The following RANBP17 variants were observed in gnomAD, a reference collection of about 807,000 sequenced individuals.
The protein encoded by RANBP17 is ran-binding protein 17.
In RANBP17, 158 loss-of-function variants were observed where a neutral mutation model predicts 141.2. The observed-to-expected ratio is 1.12, with a 90% CI of 0.98 to 1.28. The LOEUF (loss-of-function observed/expected upper bound fraction) is 1.28. RANBP17 is among the 50% of genes most tolerant of loss of function. The pLI is 0.00. For missense variants in RANBP17, 1,438 were observed against 1,290.7 expected (o/e 1.11, Z -1.75); for synonymous variants, 430 against 450.0 (o/e 0.96, Z 0.56).
chr5:170,953,562 C>A, intron 12 of RANBP17, 35 bp from the exon 13 acceptor site: 1 of 1,396,404 alleles, frequency 7.2e-7, no homozygotes, highest in East Asian at 2.3e-5. Flanking sequence ...TCTATGAATA[C>A]TTACTAAACT....
chr5:170,897,134 C>A, intron 5 of RANBP17: 1 of 826,960 alleles, frequency 1.2e-6, no homozygotes, highest in Non-Finnish European at 2.0e-6. Flanking sequence ...GCAGGGACCA[C>A]TGAGAGATGT....
chr5:170,977,452 T>C (rs1179526570), intron 14 of RANBP17, among the ~76,000 whole-genome samples: 1 of 152,030 alleles, frequency 6.6e-6, no homozygotes, highest in Non-Finnish European at 1.5e-5. Context: ...CTTCAAAAGG[T>C]TAAACATAGA....
At chr5:171,096,151 A>T (rs889764705) in intron 14 of RANBP17, among the ~76,000 whole-genome samples, 1 of 152,200 alleles carries the variant, frequency 6.6e-6, no homozygotes, top group Non-Finnish European at 1.5e-5. Context: ...TTTATTGACA[A>T]ATATCTGCAT....
chr5:171,292,180 T>G (rs1256743919), intron 25 of RANBP17, among the ~76,000 whole-genome samples: 2 of 151,438 alleles, frequency 1.3e-5, no homozygotes, highest in East Asian at 3.9e-4. Context: ...CAAATGATGT[T>G]CAACATCCCA....
intron 12 of RANBP17, among the ~76,000 whole-genome samples, chr5:170,948,573 CAG>C (rs1321311275): frequency 1.3e-5 from 2 of 152,210 alleles, no homozygotes; most frequent in South Asian, 2.1e-4. Flanking sequence ...TATAAATAAA[CAG>C]AAAGACTTCT....
intron 14 of RANBP17, among the ~76,000 whole-genome samples, chr5:171,012,597 A>G (rs1051747640): frequency 3.9e-5 from 6 of 152,170 alleles, no homozygotes; most frequent in African/African-American, 1.2e-4. Context: ...TTTGCTTCTC[A>G]TAAGTTAAAG....
intron 14 of RANBP17, among the ~76,000 whole-genome samples, chr5:171,065,863 A>T (rs1347935448): frequency 6.6e-6 from 1 of 150,766 alleles, no homozygotes. Flanking sequence ...TCTTGTGTTT[A>T]TTTTTATTAT....
At chr5:171,211,428 A>G (rs1283662951) in intron 20 of RANBP17, among the ~76,000 whole-genome samples, 1 of 151,826 alleles carries the variant, frequency 6.6e-6, no homozygotes, top group African/African-American at 2.4e-5. Flanking sequence ...TGCCTGGCTA[A>G]TTTTTGTGTT....
At chr5:170,965,174 C>T (rs1776454643) in intron 13 of RANBP17, among the ~76,000 whole-genome samples, 1 of 151,832 alleles carries the variant, frequency 6.6e-6, no homozygotes, top group South Asian at 2.1e-4. Context: ...TTTCATGTGT[C>T]TTTTGGCTGC....
At chr5:171,020,970 G>A (rs1452700834) in intron 14 of RANBP17, among the ~76,000 whole-genome samples, 1 of 152,100 alleles carries the variant, frequency 6.6e-6, no homozygotes, top group African/African-American at 2.4e-5. Context: ...CAGGCCTGGT[G>A]GTGACAAAAT....
At chr5:171,233,544 A>G (rs1466065879) in intron 22 of RANBP17, among the ~76,000 whole-genome samples, 1 of 152,218 alleles carries the variant, frequency 6.6e-6, no homozygotes, top group Non-Finnish European at 1.5e-5. Context: ...AGACAATGGA[A>G]TGTTATTCAG....
intron 14 of RANBP17, among the ~76,000 whole-genome samples, chr5:171,135,970 A>G: frequency 6.6e-6 from 1 of 152,208 alleles, no homozygotes; most frequent in Non-Finnish European, 1.5e-5. Flanking sequence ...AAATCATGTC[A>G]AAAAGAAATA....
chr5:171,095,224 A>G (rs997965936), intron 14 of RANBP17, among the ~76,000 whole-genome samples: 15 of 152,212 alleles, frequency 9.9e-5, no homozygotes, highest in Non-Finnish European at 1.5e-4. Flanking sequence ...TAGTTTTAAG[A>G]TTTTATTCTA....
At chr5:171,009,230 A>G (rs912260631) in intron 14 of RANBP17, among the ~76,000 whole-genome samples, 13 of 152,164 alleles carry the variant, frequency 8.5e-5, no homozygotes, top group African/African-American at 3.1e-4. Flanking sequence ...AATTTACCTA[A>G]CTTTTCTGCA....
intron 25 of RANBP17, among the ~76,000 whole-genome samples, chr5:171,272,917 C>A (rs1464359977): frequency 5.3e-5 from 8 of 152,198 alleles, no homozygotes; most frequent in Non-Finnish European, 5.9e-5. Context: ...CTTCCACTTT[C>A]TTACGCTACA....
intron 21 of RANBP17, among the ~76,000 whole-genome samples, chr5:171,216,353 T>G (rs897453278): frequency 6.6e-6 from 1 of 152,182 alleles, no homozygotes; most frequent in Non-Finnish European, 1.5e-5. Flanking sequence ...CCAGCTTTGT[T>G]CTTTTTGCTA....
intron 14 of RANBP17, among the ~76,000 whole-genome samples, chr5:171,041,879 C>G (rs2446048): frequency 0.61 from 93,122 of 151,750 alleles, 29,871 homozygotes; most frequent in South Asian, 0.88. Flanking sequence ...AGCTATTTAT[C>G]CTGATGCTCT....
At chr5:171,247,639 G>T (rs570086227) in intron 24 of RANBP17, among the ~76,000 whole-genome samples, 1 of 152,036 alleles carries the variant, frequency 6.6e-6, no homozygotes, top group Admixed American at 6.6e-5. Flanking sequence ...TCCATTCTCT[G>T]CCCACCCCAA....
At chr5:170,893,793 A>T (rs953063701) in intron 4 of RANBP17, among the ~76,000 whole-genome samples, 1 of 118,130 alleles carries the variant, frequency 8.5e-6, no homozygotes, top group African/African-American at 4.3e-5. Flanking sequence ...ACTCCGTCTC[A>T]AAAAAAAAAA....
Sources: gnomAD v4.1 joint callset for allele counts (sites outside exome capture counted in the v4.1 genomes callset) on GRCh38, gnomAD v4.1.1 for gene constraint, MANE v1.5 for transcripts, NCBI Gene and HGNC (gene_info 2026-07-23, HGNC 2026-07-21) for gene names.